ZMYM5: variants seen among roughly 807,000 people sequenced by gnomAD.
ZMYM5 encodes zinc finger MYM-type protein 5.
A neutral mutation model predicts 61.8 loss-of-function variants in ZMYM5; 41 were observed. The ratio of observed to expected loss-of-function variants is 0.66; its 90% CI spans 0.52 to 0.86. The LOEUF is 0.86. Ranked by LOEUF, ZMYM5 falls within the 40% of genes least tolerant of loss-of-function variation. ZMYM5 has a pLI of 0.00. For synonymous variants in ZMYM5, 257 were observed against 276.4 expected, an observed-to-expected ratio of 0.93 and a Z score of 0.70; for missense variants, 706 against 786.7, an observed-to-expected ratio of 0.90 and a Z score of 1.23.
intron 4 of ZMYM5, among the ~76,000 whole-genome samples, chr13:19,848,724 G>A (rs1953175687): frequency 1.3e-5 from 2 of 151,868 alleles, no homozygotes; most frequent in South Asian, 4.2e-4. Context: ...TAGTAGAGAT[G>A]GGGTTTCACC....
intron 4 of ZMYM5, among the ~76,000 whole-genome samples, chr13:19,846,280 A>G (rs1489848174): frequency 6.6e-6 from 1 of 152,226 alleles, no homozygotes; most frequent in Non-Finnish European, 1.5e-5. Context: ...TACAAAGGTT[A>G]TCTTACTGAA....
chr13:19,851,666 C>T, intron 3 of ZMYM5, 23 bp downstream of exon 3: 1 of 1,557,128 alleles, frequency 6.4e-7, no homozygotes, highest in Non-Finnish European at 8.6e-7. Flanking sequence ...AGTGATACCA[C>T]TATTACCCAT....
At chr13:19,833,350 C>A (rs1028610327) in intron 7 of ZMYM5, among the ~76,000 whole-genome samples, 8 of 152,080 alleles carry the variant, frequency 5.3e-5, no homozygotes, top group Admixed American at 1.3e-4. Flanking sequence ...TCATTTATTT[C>A]CACACAAACA....
intron 6 of ZMYM5, among the ~76,000 whole-genome samples, chr13:19,837,020 TTTTG>T (rs1372552263): frequency 2.8e-5 from 4 of 141,416 alleles, no homozygotes; most frequent in Admixed American, 7.1e-5. Context: ...GTATGTTGTT[TTTTG>T]TTTTTTTTTT....
At position 19,832,908 on chromosome 13, in the gene ZMYM5, T is replaced by C. The variant is rs1259012895; in HGVS notation, c.1251+2569A>G. 1.3e-5 allele frequency among the ~76,000 whole-genome samples: 2 copies of C among 151,282 alleles called. 1 individual carries two copies. Among genetic ancestry groups the C allele is most frequent in the Non-Finnish European group, 2.9e-5 (2 of 67,834 alleles). On this transcript the variant is annotated intron_variant, in intron 7 of 7. Transcript: ENST00000337963. ...CACCATATCTGGCTAATTAAAAAAA[T>C]TGTTTTGTAGAGATGGGGTCTTACT...
intron 7 of ZMYM5, among the ~76,000 whole-genome samples, chr13:19,834,433 AACAG>A (rs925771663): frequency 6.6e-6 from 1 of 152,106 alleles, no homozygotes; most frequent in African/African-American, 2.4e-5. Context: ...TGATAGACAA[AACAG>A]ACAACTACCA....
At chr13:19,838,245 G>A (rs1952738286) in intron 5 of ZMYM5, among the ~76,000 whole-genome samples, 1 of 152,118 alleles carries the variant, frequency 6.6e-6, no homozygotes, top group Non-Finnish European at 1.5e-5. Context: ...GGGCGTGGTG[G>A]CGCGCACCTG....
chr13:19,855,073 G>T (rs1050483382), intron 2 of ZMYM5, among the ~76,000 whole-genome samples: 1 of 152,068 alleles, frequency 6.6e-6, no homozygotes, highest in African/African-American at 2.4e-5. Flanking sequence ...AAAGATTGGG[G>T]GCCAGGAATG....
chr13:19,824,790 C>T lies in ZMYM5; in HGVS notation c.1697G>A (p.Arg566Gln), dbSNP rs1431884731. 4.4e-6 allele frequency: 6 copies of T among 1,355,410 alleles called. No individual in the cohort carries two copies. Among genetic ancestry groups the T allele is most frequent in the African/African-American group, 1.5e-5 (1 of 67,548 alleles). The allele number at this position is 1,355,410 out of a possible 1,614,324, so 84.0% of individuals were successfully genotyped here. A position where few individuals can be genotyped will look rare whatever the true frequency, so the allele number is the denominator to read the frequency against. ...GGTTTTTTCACCATTTGGAAGAATC[C>T]GTGTATAATAAGTTTCTGAAAACTT... is the stretch of plus-strand genomic sequence containing the variant. The part of the protein sequence containing the change: ...GRKFSETYYT[R>Q]ILPNGEKTTR... The change falls in exon 8 of 8, where the codon CGG (arginine) becomes CAG (glutamine). Residue 566 changes from arginine (R) to glutamine (Q), a missense_variant. Coordinates refer to ENST00000337963, the MANE Select transcript of ZMYM5 (RefSeq NM_001142684.2).
chr13:19,828,061 G>C (rs934614657), intron 7 of ZMYM5, among the ~76,000 whole-genome samples: 1 of 149,256 alleles, frequency 6.7e-6, no homozygotes, highest in Non-Finnish European at 1.5e-5. Context: ...AATGTGAATG[G>C]CATCCTATTA....
intron 7 of ZMYM5, among the ~76,000 whole-genome samples, chr13:19,828,855 G>T (rs1891060697): frequency 6.6e-6 from 1 of 152,208 alleles, no homozygotes; most frequent in Non-Finnish European, 1.5e-5. Flanking sequence ...AGGAAACCAG[G>T]TTTGGAGGTT....
intron 7 of ZMYM5, among the ~76,000 whole-genome samples, chr13:19,831,562 G>A (rs894970728): frequency 6.6e-6 from 1 of 151,728 alleles, no homozygotes; most frequent in Admixed American, 6.6e-5. Context: ...TTTGGGAGCC[G>A]AGGCAGGCAG....
chr13:19,840,436 T>G (rs543253554), intron 4 of ZMYM5, among the ~76,000 whole-genome samples: 63 of 152,306 alleles, frequency 4.1e-4, no homozygotes, highest in African/African-American at 1.3e-3. Context: ...TGCAGTGGCA[T>G]GATCACAGCT....
chr13:19,834,446 C>T (rs1417576570), intron 7 of ZMYM5, among the ~76,000 whole-genome samples: 2 of 151,176 alleles, frequency 1.3e-5, no homozygotes, highest in African/African-American at 4.9e-5. Context: ...AGACAACTAC[C>T]ACATTTTAAT....
At chr13:19,849,079 TA>T (rs1487198501) in intron 4 of ZMYM5, among the ~76,000 whole-genome samples, 13 of 152,018 alleles carry the variant, frequency 8.6e-5, no homozygotes, top group Admixed American at 8.5e-4. Flanking sequence ...AAAAAATACA[TA>T]GGGGAATGAG....
In ZMYM5 at chr13:19,852,207, GA is replaced by G. The variant is rs749266505; in HGVS notation, c.-10-18del. The G allele has an allele frequency of 3.6e-4, 516 of 1,425,446 alleles. No homozygotes were observed. Among genetic ancestry groups the G allele is most frequent in the South Asian group, 1.4e-3 (94 of 65,678 alleles). The allele number at this position is 1,425,446 out of a possible 1,614,324, so 88.3% of individuals were successfully genotyped here. ...CCAATGAACCTGTAGAGACAGAAAA[GA>G]AAAAAAAAAGTTCTAGTATGTTATG... On this transcript the variant is annotated intron_variant, in intron 2 of 7. Coordinates refer to ENST00000337963, the MANE Select transcript of ZMYM5 (RefSeq NM_001142684.2).
intron 7 of ZMYM5, among the ~76,000 whole-genome samples, chr13:19,825,848 G>A (rs571526755): frequency 3.8e-4 from 57 of 151,968 alleles, no homozygotes; most frequent in African/African-American, 1.3e-3. Context: ...TGAAACCAGC[G>A]TGGCAAATAT....
chr13:19,851,647 C>T (rs1220273140), intron 3 of ZMYM5, 42 bp downstream of exon 3: 1 of 1,548,798 alleles, frequency 6.5e-7, no homozygotes, highest in Admixed American at 2.1e-5. Flanking sequence ...ATTTCAGAGT[C>T]AATTCTGTAG....
chr13:19,827,145 G>A (rs1430359705), intron 7 of ZMYM5, among the ~76,000 whole-genome samples: 1 of 152,100 alleles, frequency 6.6e-6, no homozygotes, highest in Non-Finnish European at 1.5e-5. Flanking sequence ...TGATGAAAAT[G>A]TTCTAAGATT....
Sources: gnomAD v4.1 joint callset for allele counts (sites outside exome capture counted in the v4.1 genomes callset) on GRCh38, gnomAD v4.1.1 for gene constraint, MANE v1.5 for transcripts, NCBI Gene and HGNC (gene_info 2026-07-23, HGNC 2026-07-21) for gene names.